The following EMCN variants were observed in gnomAD, a reference collection of about 807,000 sequenced individuals.
EMCN encodes the protein endomucin, also known as MUC-14.
In EMCN, 37 loss-of-function variants were observed where a neutral mutation model predicts 38.4. The ratio of observed to expected loss-of-function variants is 0.96; its 90% CI spans 0.74 to 1.27. The LOEUF (loss-of-function observed/expected upper bound fraction) is 1.27. Among genes scored for constraint, EMCN ranks in the 50% most tolerant of loss-of-function variants. The pLI, the probability that EMCN is intolerant of heterozygous loss-of-function variation, is 0.00. For synonymous variants in EMCN, 95 were observed against 100.8 expected (o/e 0.94, Z 0.35); for missense variants, 318 against 302.8 (o/e 1.05, Z -0.37).
At chr4:100,485,948 G>T (rs578062649) in intron 1 of EMCN, among the ~76,000 whole-genome samples, 1 of 152,222 alleles carries the variant, frequency 6.6e-6, no homozygotes, top group Non-Finnish European at 1.5e-5. Context: ...AGAGTCATTT[G>T]CCTCAATAAA....
chr4:100,431,281 A>G (rs17030133), intron 5 of EMCN, among the ~76,000 whole-genome samples: 3,198 of 152,286 alleles, frequency 0.021, 121 homozygotes, highest in African/African-American at 0.073. Context: ...TGCTGTAGGA[A>G]TATTGTGATG....
At chr4:100,475,164 C>A in intron 2 of EMCN, 55 bp from the exon 3 acceptor site, 1 of 921,252 alleles carries the variant, frequency 1.1e-6, no homozygotes, top group Admixed American at 2.5e-5. Context: ...TGTTATCTGT[C>A]AATAAATAAA....
At chr4:100,446,182 T>C (rs1727666266) in intron 5 of EMCN, 11 of 985,414 alleles carry the variant, frequency 1.1e-5, no homozygotes, top group Non-Finnish European at 1.3e-5. Context: ...ATCAGTCTTC[T>C]CTGACTGGAT....
intron 1 of EMCN, among the ~76,000 whole-genome samples, chr4:100,484,577 A>C (rs1035618158): frequency 6.6e-6 from 1 of 152,006 alleles, no homozygotes; most frequent in African/African-American, 2.4e-5. Context: ...CATTCTTATA[A>C]TGAGTAGTGC....
At chr4:100,476,329 G>C (rs1438797521) in intron 2 of EMCN, among the ~76,000 whole-genome samples, 2 of 150,768 alleles carry the variant, frequency 1.3e-5, no homozygotes, top group Non-Finnish European at 2.9e-5. Flanking sequence ...TGTCACCCAG[G>C]CTGGAGTCCA....
intron 1 of EMCN, among the ~76,000 whole-genome samples, chr4:100,514,909 C>T (rs543628989): frequency 6.6e-6 from 1 of 152,190 alleles, no homozygotes; most frequent in East Asian, 1.9e-4. Context: ...TTGATAATAA[C>T]TTCCCTCATC....
chr4:100,418,741 A>G (rs957675499), intron 8 of EMCN, among the ~76,000 whole-genome samples: 3 of 151,356 alleles, frequency 2.0e-5, no homozygotes, highest in Non-Finnish European at 4.4e-5. Context: ...TTGTGACTGA[A>G]TGGACATCAC....
chr4:100,425,449 G>C (rs943301642), intron 5 of EMCN, among the ~76,000 whole-genome samples: 1 of 152,154 alleles, frequency 6.6e-6, no homozygotes, highest in South Asian at 2.1e-4. Context: ...TAGCAGAGTG[G>C]CTAAGAGCAT....
intron 8 of EMCN, among the ~76,000 whole-genome samples, chr4:100,419,493 A>C (rs1726828541): frequency 6.6e-6 from 1 of 152,142 alleles, no homozygotes; most frequent in Non-Finnish European, 1.5e-5. Flanking sequence ...AACTTTATAC[A>C]TCCATGGAAA....
At chr4:100,442,177 C>A (rs1056985739) in intron 5 of EMCN, among the ~76,000 whole-genome samples, 4 of 152,170 alleles carry the variant, frequency 2.6e-5, no homozygotes, top group African/African-American at 4.8e-5. Flanking sequence ...AGTTGGCTAG[C>A]AATGCTTTTG....
Position 100,445,346 on chromosome 4 carries a change from ATCTC to A in EMCN, c.415+2183_415+2186del, listed in dbSNP as rs1263564404. Among the ~76,000 whole-genome samples, 4 of 152,236 alleles carry A rather than the reference ATCTC, an allele frequency of 2.6e-5. No individual in the cohort carries two copies. The East Asian group carries it at 5.8e-4, about 22-fold the overall frequency. ...TATATAGAATCCTTACTTATTTTTA[ATCTC>A]CCAAAAAGGTTCTACATAAAATCAT... On this transcript the variant is annotated intron_variant, in intron 5 of 11. Transcript: ENST00000296420.
In EMCN at chr4:100,475,658, C is replaced by CATTTTTTTTTTTTTTTTT. The variant is rs1728617733; in HGVS notation, c.188-550_188-549insAAAAAAAAAAAAAAAAAT. On this transcript the variant is annotated intron_variant, in intron 2 of 11. Transcript: ENST00000296420. ...CTTGAGGGCAGTATCCAATTCTAGT[C>CATTTTTTTTTTTTTTTTT]CTTTTTTTTTTTTTTTTTTTTTTTT... is the stretch of plus-strand genomic sequence containing the variant. Among the ~76,000 whole-genome samples, 5 of 108,090 alleles carry CATTTTTTTTTTTTTTTTT rather than the reference C, an allele frequency of 4.6e-5. 2 individuals carry two copies. The highest frequency in any genetic ancestry group is 7.4e-5 in the African/African-American group (2 of 27,060). 70.9% of individuals were successfully genotyped at this position (108,090 alleles called of 152,430 possible). A position where few individuals can be genotyped will look rare whatever the true frequency, so the allele number is the denominator to read the frequency against.
intron 5 of EMCN, among the ~76,000 whole-genome samples, chr4:100,424,932 T>C (rs988410768): frequency 6.6e-6 from 1 of 152,064 alleles, no homozygotes; most frequent in East Asian, 1.9e-4. Context: ...TCAGGACTGA[T>C]TGTAATGTGT....
chr4:100,472,519 G>A (rs1728504610), intron 3 of EMCN, among the ~76,000 whole-genome samples: 1 of 152,104 alleles, frequency 6.6e-6, no homozygotes, highest in Non-Finnish European at 1.5e-5. Context: ...AGCCCTGATT[G>A]TTAAGATGGC....
At chr4:100,407,466 C>T (rs1164659122) in intron 11 of EMCN, among the ~76,000 whole-genome samples, 4 of 152,100 alleles carry the variant, frequency 2.6e-5, no homozygotes. Flanking sequence ...TTTTATTTCT[C>T]CTTTGCTTAT....
At chr4:100,440,346 G>A (rs1727475861) in intron 5 of EMCN, among the ~76,000 whole-genome samples, 1 of 152,014 alleles carries the variant, frequency 6.6e-6, no homozygotes, top group East Asian at 1.9e-4. Flanking sequence ...CACCTGAGTA[G>A]TGTATATTGT....
intron 11 of EMCN, among the ~76,000 whole-genome samples, chr4:100,408,359 T>C (rs1159717748): frequency 6.6e-6 from 1 of 152,236 alleles, no homozygotes; most frequent in African/African-American, 2.4e-5. Flanking sequence ...CTGATGTTTC[T>C]TTAATTGCAG....
chr4:100,493,130 A>G (rs997269579), intron 1 of EMCN, among the ~76,000 whole-genome samples: 1 of 152,220 alleles, frequency 6.6e-6, no homozygotes, highest in Non-Finnish European at 1.5e-5. Flanking sequence ...GTCGCTATAC[A>G]GTCAGTTAAC....
chr4:100,453,562 A>G (rs1026443607), intron 4 of EMCN, among the ~76,000 whole-genome samples: 6 of 152,164 alleles, frequency 3.9e-5, no homozygotes, highest in Non-Finnish European at 8.8e-5. Flanking sequence ...GAACACTTTT[A>G]CACTGTTGGT....
Sources: gnomAD v4.1 joint callset for allele counts (sites outside exome capture counted in the v4.1 genomes callset) on GRCh38, gnomAD v4.1.1 for gene constraint, MANE v1.5 for transcripts, NCBI Gene and HGNC (gene_info 2026-07-23, HGNC 2026-07-21) for gene names.